Variants in KATNA1 observed in about 807,000 individuals in gnomAD.
The protein encoded by KATNA1 is katanin p60 ATPase-containing subunit A1.
Under a neutral mutation model 62.6 loss-of-function variants are expected in KATNA1, and 42 were observed. The ratio of observed to expected loss-of-function variants is 0.67; its 90% CI spans 0.52 to 0.87. The LOEUF (loss-of-function observed/expected upper bound fraction) is 0.87. Among genes scored for constraint, KATNA1 ranks in the 40% least tolerant of loss-of-function variants. The pLI, the probability that KATNA1 is intolerant of heterozygous loss-of-function variation, is 0.00. For missense variants in KATNA1, 498 were observed against 612.5 expected (o/e 0.81, Z 1.97); for synonymous variants, 186 against 201.9 (o/e 0.92, Z 0.67).
intron 4 of KATNA1, among the ~76,000 whole-genome samples, chr6:149,611,306 A>G (rs1017908828): frequency 6.6e-6 from 1 of 151,942 alleles, no homozygotes; most frequent in East Asian, 1.9e-4. Context: ...TACTAAAAAT[A>G]CAAAAATTAG....
chr6:149,643,262 A>G (rs900178931), intron 1 of KATNA1, among the ~76,000 whole-genome samples: 1 of 152,184 alleles, frequency 6.6e-6, no homozygotes, highest in African/African-American at 2.4e-5. Flanking sequence ...GAGCCTTGAG[A>G]TGACTACAGG....
intron 2 of KATNA1, among the ~76,000 whole-genome samples, chr6:149,636,194 T>G (rs1303805004): frequency 1.3e-5 from 2 of 152,144 alleles, no homozygotes; most frequent in Non-Finnish European, 2.9e-5. Context: ...AAACAAAAGC[T>G]TAGACTTAAG....
chr6:149,599,580 C>T (rs529697742), intron 7 of KATNA1, among the ~76,000 whole-genome samples: 1 of 148,468 alleles, frequency 6.7e-6, no homozygotes, highest in African/African-American at 2.4e-5. Flanking sequence ...TCCCCTCTCC[C>T]CTCTCCCTCT....
intron 3 of KATNA1, among the ~76,000 whole-genome samples, chr6:149,629,251 C>T (rs969680294): frequency 2.6e-5 from 4 of 152,050 alleles, no homozygotes; most frequent in African/African-American, 7.2e-5. Flanking sequence ...TTTGTGTCCT[C>T]CCCAAAGTTC....
At chr6:149,625,699 C>T (rs1194284700) in intron 3 of KATNA1, among the ~76,000 whole-genome samples, 2 of 150,422 alleles carry the variant, frequency 1.3e-5, no homozygotes, top group East Asian at 2.0e-4. Context: ...TGTGGGAGGC[C>T]GAGGCAGGTG....
At chr6:149,624,865 A>G (rs1779545726) in intron 3 of KATNA1, among the ~76,000 whole-genome samples, 1 of 150,906 alleles carries the variant, frequency 6.6e-6, no homozygotes, top group Non-Finnish European at 1.5e-5. Flanking sequence ...CTAGGCACGT[A>G]TACTAGATGG....
chr6:149,621,180 G>A (rs1176320841), intron 4 of KATNA1, among the ~76,000 whole-genome samples: 4 of 148,948 alleles, frequency 2.7e-5, no homozygotes, highest in Non-Finnish European at 4.4e-5. Context: ...CTGGAGTGCA[G>A]TGGCGCGATC....
rs77814406 is a variant in KATNA1, at chr6:149,594,914, GT to G, written c.*121del. The G allele has an allele frequency of 3.1e-5, 23 of 736,436 alleles. No individual in the cohort carries two copies. In the Admixed American group the frequency reaches 4.7e-4, roughly 15 times the overall value. 45.6% of individuals were successfully genotyped at this position (736,436 alleles called of 1,614,324 possible). ...ATTGCCTTTATTCAGAATCATAAGG[GT>G]TTTTTTAAAAAAATCTTACCATTAT... On this transcript the variant is annotated 3_prime_UTR_variant, in exon 11 of 11. Transcript: ENST00000367411.
chr6:149,605,348 G>A (rs895485112), intron 4 of KATNA1, among the ~76,000 whole-genome samples: 3 of 152,120 alleles, frequency 2.0e-5, no homozygotes, highest in Non-Finnish European at 2.9e-5. Flanking sequence ...AAATGTGGTC[G>A]CAAGTGAATA....
chr6:149,598,399 T>G (rs761080782), intron 7 of KATNA1, 49 bp from the exon 8 acceptor site: 1 of 1,579,226 alleles, frequency 6.3e-7, no homozygotes, highest in Admixed American at 1.7e-5. Context: ...ATTATTTCAT[T>G]TTAAAATAAT....
Position 149,595,147 on chromosome 6 carries a change from C to T in KATNA1, c.1365G>A (p.Met455Ile). Residue 455 changes from methionine (M) to isoleucine (I), a missense_variant, in exon 11 of 11, where the codon ATG becomes ATA. Transcript: ENST00000367411. Reference protein sequence around the residue: ...IRNLSKEEMHMPTTMEDFEMA... With the variant: ...IRNLSKEEMHIPTTMEDFEMA... The stretch of plus-strand genomic sequence containing the variant: ...TCTCGAAATCCTCCATAGTTGTAGG[C>T]ATGTGCATTTCTTCTTTGGAAAGAT... 6.2e-7 allele frequency: 1 copy of T among 1,613,798 alleles called. No homozygotes were observed. The highest frequency in any genetic ancestry group is 1.1e-5 in the South Asian group (1 of 91,066).
rs200316485 is a variant in KATNA1, at chr6:149,625,933, C to CAAAAAAAAAAAAAA, written c.321-2664_321-2651dup. Among the ~76,000 whole-genome samples, 131 of 137,510 alleles carry CAAAAAAAAAAAAAA rather than the reference C, an allele frequency of 9.5e-4. 1 individual carries two copies. Among genetic ancestry groups the CAAAAAAAAAAAAAA allele is most frequent in the African/African-American group, 3.2e-3 (124 of 38,234 alleles). The allele number at this position is 137,510 out of a possible 152,430, so 90.2% of individuals were successfully genotyped here. ...TGGGTGACAGAGCGAGACTCCATCT[C>CAAAAAAAAAAAAAA]AAAAAAAAAAAAAAGACACTCCCAG... On this transcript the variant is annotated intron_variant, in intron 3 of 10. Transcript: ENST00000367411.
intron 4 of KATNA1, among the ~76,000 whole-genome samples, chr6:149,616,090 A>G (rs1406243083): frequency 6.6e-6 from 1 of 152,180 alleles, no homozygotes; most frequent in African/African-American, 2.4e-5. Context: ...GTTATTGTTT[A>G]ATGAGTACAG....
chr6:149,623,810 G>A (rs1369270201), intron 3 of KATNA1, among the ~76,000 whole-genome samples: 1 of 152,112 alleles, frequency 6.6e-6, no homozygotes, highest in Non-Finnish European at 1.5e-5. Flanking sequence ...ATGCAGTATA[G>A]TTATATTACA....
intron 3 of KATNA1, among the ~76,000 whole-genome samples, chr6:149,632,379 A>AG (rs1285053375): frequency 1.3e-5 from 2 of 151,654 alleles, no homozygotes; most frequent in African/African-American, 4.8e-5. Context: ...GTCTAAAAAA[A>AG]AAAAAAAGAA....
chr6:149,622,789 A>T (rs1339938670), intron 4 of KATNA1, among the ~76,000 whole-genome samples: 1 of 151,474 alleles, frequency 6.6e-6, no homozygotes, highest in Non-Finnish European at 1.5e-5. Flanking sequence ...GCGCGCAGAT[A>T]ACCTGAGGTA....
chr6:149,601,034 T>C (rs1172913218), intron 7 of KATNA1, among the ~76,000 whole-genome samples: 1 of 152,216 alleles, frequency 6.6e-6, no homozygotes, highest in African/African-American at 2.4e-5. Flanking sequence ...AGTGACGTAA[T>C]CAGTGAAGCT....
At chr6:149,635,430 GT>G (rs1382769444) in intron 2 of KATNA1, among the ~76,000 whole-genome samples, 1 of 152,256 alleles carries the variant, frequency 6.6e-6, no homozygotes, top group Admixed American at 6.5e-5. Flanking sequence ...CCAAGGCCAA[GT>G]GCAGTGGCTC....
intron 3 of KATNA1, among the ~76,000 whole-genome samples, chr6:149,630,565 T>G (rs979172542): frequency 2.0e-5 from 3 of 151,916 alleles, no homozygotes; most frequent in African/African-American, 7.3e-5. Flanking sequence ...GAGGCGGAGG[T>G]TGCAGTGAGC....
Sources: allele counts gnomAD v4.1 joint callset (sites outside exome capture counted in the v4.1 genomes callset), GRCh38; gene constraint gnomAD v4.1.1; transcripts MANE v1.5; gene names NCBI Gene and HGNC (gene_info 2026-07-23, HGNC 2026-07-21).